The following TMCC2 variants were observed in gnomAD, a reference collection of about 807,000 sequenced individuals.
TMCC2 encodes the protein transmembrane and coiled-coil domains protein 2.
A neutral mutation model predicts 49.4 loss-of-function variants in TMCC2; 16 were observed. The observed-to-expected ratio is 0.32, with a 90% confidence interval of 0.22 to 0.49. TMCC2 has a LOEUF of 0.49. Among genes scored for constraint, TMCC2 ranks in the 20% least tolerant of loss-of-function variants. The pLI is 0.99. For missense variants in TMCC2, 762 were observed against 989.8 expected (o/e 0.77, Z 3.09); for synonymous variants, 397 against 434.1 (o/e 0.91, Z 1.06).
intron 1 of TMCC2, among the ~76,000 whole-genome samples, chr1:205,231,540 T>A (rs1000093790): frequency 7.2e-5 from 11 of 152,132 alleles, no homozygotes; most frequent in African/African-American, 2.7e-4. Flanking sequence ...CAAGCGAAAC[T>A]CCTGCCTCAT....
rs370128269 is a variant in TMCC2 at position 205,255,416 on chromosome 1, G to A, written c.747+13372G>A. Among the ~76,000 whole-genome samples, 29 of 152,160 alleles carry A rather than the reference G, an allele frequency of 1.9e-4. No homozygotes were observed. In the East Asian group the frequency reaches 4.8e-3, roughly 25 times the overall value. On this transcript the variant is annotated intron_variant, in intron 2 of 4. Coordinates refer to ENST00000358024, the MANE Select transcript of TMCC2 (RefSeq NM_014858.4). ...CTAAAAATACAAAAATTAGCTGGGC[G>A]TGGTGGTGCACGCCTGTAGTCCCAG...
intron 1 of TMCC2, chr1:205,230,220 G>C (rs577435198): frequency 1.0e-6 from 1 of 968,520 alleles, no homozygotes; most frequent in Admixed American, 6.2e-5. Flanking sequence ...TGTGCCTTGG[G>C]GAGGAGTGAA....
chr1:205,257,374 G>A (rs958686492), intron 2 of TMCC2: 162 of 1,232,214 alleles, frequency 1.3e-4, no homozygotes, highest in Non-Finnish European at 1.4e-4. Context: ...CAGGTGAGGC[G>A]TCTGGTGGGT....
chr1:205,235,176 G>T (rs1315028539), intron 1 of TMCC2, among the ~76,000 whole-genome samples: 1 of 152,100 alleles, frequency 6.6e-6, no homozygotes, highest in Non-Finnish European at 1.5e-5. Context: ...GGAAGGCCCA[G>T]GATTGCCTCC....
chr1:205,247,337 G>A (rs1057137140), intron 2 of TMCC2, among the ~76,000 whole-genome samples: 2 of 152,166 alleles, frequency 1.3e-5, no homozygotes, highest in African/African-American at 4.8e-5. Context: ...TCTGAGAGGT[G>A]ACGTCACTGA....
At chr1:205,261,060 C>T (rs1661090728) in intron 2 of TMCC2, among the ~76,000 whole-genome samples, 1 of 152,146 alleles carries the variant, frequency 6.6e-6, no homozygotes, top group African/African-American at 2.4e-5. Flanking sequence ...AGTGGAATTG[C>T]TGGGTCATAA....
chr1:205,256,668 G>A (rs1660882443), intron 2 of TMCC2, among the ~76,000 whole-genome samples: 1 of 152,222 alleles, frequency 6.6e-6, no homozygotes, highest in Admixed American at 6.5e-5. Context: ...GGGCAGCAGG[G>A]AGAGGAGGAG....
intron 1 of TMCC2, among the ~76,000 whole-genome samples, chr1:205,236,198 C>A (rs1194173759): frequency 6.6e-6 from 1 of 152,212 alleles, no homozygotes; most frequent in Non-Finnish European, 1.5e-5. Flanking sequence ...GAGCCCCCTC[C>A]CAAGCCCTCC....
chr1:205,271,230 C>T lies in TMCC2; in HGVS notation c.1793C>T (p.Ser598Phe). The T allele has an allele frequency of 6.2e-7, 1 of 1,614,150 alleles. No homozygotes were observed. The highest frequency in any genetic ancestry group is 8.5e-7 in the Non-Finnish European group (1 of 1,180,044). The change falls in exon 4 of 5, where the codon TCC (serine) becomes TTC (phenylalanine). Residue 598 changes from serine to phenylalanine, a missense_variant. Transcript: ENST00000358024. ...ATGGAGGAGAAGGTGGCCTACCAGT[C>T]CTATGAGAGGGCACGGGACATCCAG... The part of the protein sequence containing the change: ...ASMEEKVAYQ[S>F]YERARDIQEA...
intron 1 of TMCC2, among the ~76,000 whole-genome samples, chr1:205,235,129 G>A (rs1015690790): frequency 6.6e-6 from 1 of 152,098 alleles, no homozygotes; most frequent in East Asian, 1.9e-4. Context: ...TAACTGTTTT[G>A]TCCCGCTTGC....
chr1:205,259,412 TG>T (rs1205680468), intron 2 of TMCC2, among the ~76,000 whole-genome samples: 1 of 152,184 alleles, frequency 6.6e-6, no homozygotes, highest in Non-Finnish European at 1.5e-5. Flanking sequence ...ACATGTTCCT[TG>T]CAAATGGCAG....
At chr1:205,268,080 G>C (rs1361534400) in intron 2 of TMCC2, 1 of 985,348 alleles carries the variant, frequency 1.0e-6, no homozygotes, top group East Asian at 1.1e-4. Flanking sequence ...GCCTGGGAGA[G>C]GTGTCAGCAG....
chr1:205,245,948 G>A (rs1048303750), intron 2 of TMCC2, among the ~76,000 whole-genome samples: 2 of 151,782 alleles, frequency 1.3e-5, no homozygotes, highest in African/African-American at 4.8e-5. Flanking sequence ...GCTAATTTTT[G>A]TATTTTTAGT....
intron 2 of TMCC2, among the ~76,000 whole-genome samples, chr1:205,248,484 C>G (rs1380406252): frequency 6.6e-6 from 1 of 152,214 alleles, no homozygotes; most frequent in Admixed American, 6.5e-5. Flanking sequence ...AGTAACTGCT[C>G]TCTATGTCTT....
At position 205,272,190 on chromosome 1, in the gene TMCC2, C is replaced by G; in HGVS notation, c.*66C>G. The G allele has an allele frequency of 6.4e-7, 1 of 1,561,498 alleles. No individual in the cohort carries two copies. The highest frequency in any genetic ancestry group is 8.7e-7 in the Non-Finnish European group (1 of 1,151,810). ...TGGCCACACTTCTCCAGGAGGGACC[C>G]TTGGACTTCTTTGTGTGTCCAGTTT... On this transcript the variant is annotated 3_prime_UTR_variant, in exon 5 of 5. Transcript: ENST00000358024.
chr1:205,259,695 G>C (rs1325583145), intron 2 of TMCC2, among the ~76,000 whole-genome samples: 1 of 152,222 alleles, frequency 6.6e-6, no homozygotes, highest in Non-Finnish European at 1.5e-5. Flanking sequence ...TCAGGCCCTG[G>C]GAGGAGGTGG....
At position 205,228,458 on chromosome 1, in the gene TMCC2, T is replaced by G; in HGVS notation, c.-107T>G. The G allele has an allele frequency of 4.3e-6, 4 of 926,636 alleles. No homozygotes were observed. The highest frequency in any genetic ancestry group is 2.6e-5 in the East Asian group (1 of 38,532). The allele number at this position is 926,636 out of a possible 1,614,324, so 57.4% of individuals were successfully genotyped here. On this transcript the variant is annotated 5_prime_UTR_variant, in exon 1 of 5. Coordinates refer to ENST00000358024, the MANE Select transcript of TMCC2 (RefSeq NM_014858.4). ...ATTGTGGTCTGCCATCTCCCCTCCTTGTTAATAATTTAGACCCCAGGCCTC... is the reference window on the plus strand; with the variant it reads ...ATTGTGGTCTGCCATCTCCCCTCCTGGTTAATAATTTAGACCCCAGGCCTC...
In TMCC2 at chr1:205,269,308, C is replaced by T; in HGVS notation, c.1106C>T (p.Pro369Leu). Residue 369 changes from proline to leucine, a missense_variant, in exon 3 of 5, where the codon CCC becomes CTC. Around this residue, in one of 2 missense-constraint regions of TMCC2, gnomAD observed 440 missense variants for 636.7 expected, o/e 0.69. Transcript: ENST00000358024. ...RRLKEIEQNG[P>L]SRQPKDVLRD... ...CTGAAGGAGATTGAGCAGAACGGGCCCTCGCGGCAGCCCAAGGACGTGCTG... is the reference window on the plus strand; with the variant it reads ...CTGAAGGAGATTGAGCAGAACGGGCTCTCGCGGCAGCCCAAGGACGTGCTG... 6.2e-7 allele frequency: 1 copy of T among 1,613,470 alleles called. No individual in the cohort carries two copies.
chr1:205,233,016 A>T (rs1332781838), intron 1 of TMCC2, among the ~76,000 whole-genome samples: 2 of 145,710 alleles, frequency 1.4e-5, no homozygotes, highest in Non-Finnish European at 3.0e-5. Context: ...AAAAACCACA[A>T]CGTGTGGTAG....
Sources: allele counts gnomAD v4.1 joint callset (sites outside exome capture counted in the v4.1 genomes callset), GRCh38; gene constraint gnomAD v4.1.1; regional missense constraint gnomAD v4.1.1; transcripts MANE v1.5; gene names NCBI Gene and HGNC (gene_info 2026-07-23, HGNC 2026-07-21).